The following NEGR1 variants were observed in gnomAD, a reference collection of about 807,000 sequenced individuals.
NEGR1 encodes neuronal growth regulator 1.
In NEGR1, 10 loss-of-function variants were observed where a neutral mutation model predicts 40.9. The ratio of observed to expected loss-of-function variants is 0.24; its 90% CI spans 0.15 to 0.42. NEGR1 has a LOEUF of 0.42. Among genes scored for constraint, NEGR1 ranks in the 10% least tolerant of loss-of-function variants. The pLI, the probability that NEGR1 is intolerant of heterozygous loss-of-function variation, is 1.00. For missense variants in NEGR1, 352 were observed against 438.9 expected, an observed-to-expected ratio of 0.80 and a Z score of 1.77; for synonymous variants, 185 against 166.8, an observed-to-expected ratio of 1.11 and a Z score of -0.84.
intron 1 of NEGR1, among the ~76,000 whole-genome samples, chr1:72,230,187 C>A (rs1454491177): frequency 6.6e-6 from 1 of 152,072 alleles, no homozygotes; most frequent in Non-Finnish European, 1.5e-5. Flanking sequence ...TTACCTATCT[C>A]CCTCACAAAT....
intron 4 of NEGR1, among the ~76,000 whole-genome samples, chr1:71,673,010 C>T (rs1357642063): frequency 2.0e-5 from 3 of 151,760 alleles, no homozygotes; most frequent in African/African-American, 7.3e-5. Context: ...CTGAGGCGGG[C>T]GGATCATGAG....
chr1:71,659,600 G>A (rs1651986915), intron 4 of NEGR1, among the ~76,000 whole-genome samples: 1 of 151,940 alleles, frequency 6.6e-6, no homozygotes, highest in Non-Finnish European at 1.5e-5. Flanking sequence ...GTCTACAATC[G>A]AGCATCTATA....
intron 6 of NEGR1, among the ~76,000 whole-genome samples, chr1:71,534,491 A>C (rs1647453995): frequency 6.6e-6 from 1 of 151,672 alleles, no homozygotes; most frequent in Admixed American, 6.6e-5. Context: ...GTTACAACAG[A>C]TCTGGCATGA....
At chr1:71,995,570 T>A (rs1026808208) in intron 1 of NEGR1, among the ~76,000 whole-genome samples, 7 of 152,176 alleles carry the variant, frequency 4.6e-5, no homozygotes, top group Non-Finnish European at 1.0e-4. Context: ...TACTTAAGGA[T>A]TAACTGAAAT....
chr1:72,056,557 ATTTAC>A (rs1647112724), intron 1 of NEGR1, among the ~76,000 whole-genome samples: 1 of 151,376 alleles, frequency 6.6e-6, no homozygotes, highest in Non-Finnish European at 1.5e-5. Context: ...AATTATAGTG[ATTTAC>A]TTTAGAAGCT....
intron 6 of NEGR1, among the ~76,000 whole-genome samples, chr1:71,485,092 G>A (rs1314006015): frequency 6.6e-6 from 1 of 151,546 alleles, no homozygotes; most frequent in African/African-American, 2.4e-5. Context: ...CCAAGCTTGA[G>A]GGTATTCCCA....
intron 1 of NEGR1, among the ~76,000 whole-genome samples, chr1:71,948,101 A>T (rs1646037586): frequency 6.6e-6 from 1 of 152,134 alleles, no homozygotes; most frequent in African/African-American, 2.4e-5. Flanking sequence ...TTGCTTAAAA[A>T]ATCTTTTCAC....
At chr1:71,895,945 A>G (rs2101856364) in intron 2 of NEGR1, among the ~76,000 whole-genome samples, 1 of 151,088 alleles carries the variant, frequency 6.6e-6, no homozygotes, top group East Asian at 1.9e-4. Flanking sequence ...ACCTCTTATT[A>G]TTCAACACTT....
intron 4 of NEGR1, among the ~76,000 whole-genome samples, chr1:71,644,776 C>A (rs1651477425): frequency 6.6e-6 from 1 of 151,848 alleles, no homozygotes; most frequent in Non-Finnish European, 1.5e-5. Flanking sequence ...TTATTATTAA[C>A]ATTGAAAGGA....
chr1:72,196,072 A>G (rs1652989780), intron 1 of NEGR1, among the ~76,000 whole-genome samples: 1 of 152,032 alleles, frequency 6.6e-6, no homozygotes, highest in African/African-American at 2.4e-5. Context: ...TTTTATGACA[A>G]TGAAAGGAGC....
At chr1:71,605,452 TAA>T (rs1361215955) in intron 5 of NEGR1, among the ~76,000 whole-genome samples, 1 of 152,182 alleles carries the variant, frequency 6.6e-6, no homozygotes, top group Non-Finnish European at 1.5e-5. Flanking sequence ...GACAAGACGG[TAA>T]TACCATCTTC....
chr1:72,055,354 TC>T (rs1209873496), intron 1 of NEGR1, among the ~76,000 whole-genome samples: 3 of 151,318 alleles, frequency 2.0e-5, no homozygotes, highest in Non-Finnish European at 4.5e-5. Flanking sequence ...ATAAAATTAC[TC>T]CCTTATATTG....
chr1:72,130,301 C>T (rs971723021), intron 1 of NEGR1, among the ~76,000 whole-genome samples: 1 of 152,010 alleles, frequency 6.6e-6, no homozygotes. Flanking sequence ...GTTTTTTGCC[C>T]GAAACACTGA....
At chr1:71,507,400 A>T (rs1260044055) in intron 6 of NEGR1, among the ~76,000 whole-genome samples, 1 of 152,230 alleles carries the variant, frequency 6.6e-6, no homozygotes, top group African/African-American at 2.4e-5. Flanking sequence ...TCTATATCAC[A>T]CAAAGGGAGT....
rs559463311 is a variant in NEGR1, at chr1:72,022,691, A to T, written c.177-87380T>A. Among the ~76,000 whole-genome samples, 229 of 152,206 alleles carry T rather than the reference A, an allele frequency of 1.5e-3. 2 individuals are homozygous for T. Among genetic ancestry groups the T allele is most frequent in the African/African-American group, 5.3e-3 (220 of 41,552 alleles). On this transcript the variant is annotated intron_variant, in intron 1 of 6. Coordinates refer to ENST00000357731, the MANE Select transcript of NEGR1 (RefSeq NM_173808.3). ...GGTATTTGCTACCAACGCTTATTTT[A>T]AAAGTTTACAAGAATTTTAGCTAGT...
intron 6 of NEGR1, among the ~76,000 whole-genome samples, chr1:71,426,188 T>C (rs1479435365): frequency 6.6e-6 from 1 of 152,188 alleles, no homozygotes; most frequent in Non-Finnish European, 1.5e-5. Context: ...CTTTTTTATA[T>C]ACAAAAAGTA....
chr1:72,104,562 TCTC>T (rs2100252871), intron 1 of NEGR1, among the ~76,000 whole-genome samples: 1 of 152,228 alleles, frequency 6.6e-6, no homozygotes, highest in South Asian at 2.1e-4. Flanking sequence ...GAACCTCTGA[TCTC>T]CATAACTTTA....
intron 1 of NEGR1, among the ~76,000 whole-genome samples, chr1:72,082,116 A>AT (rs1648027504): frequency 1.3e-5 from 2 of 152,062 alleles, no homozygotes; most frequent in Non-Finnish European, 2.9e-5. Flanking sequence ...GTGTGAGCCC[A>AT]TTTTCCAACC....
At chr1:71,811,376 C>T (rs1301450474) in intron 2 of NEGR1, among the ~76,000 whole-genome samples, 1 of 152,012 alleles carries the variant, frequency 6.6e-6, no homozygotes, top group Non-Finnish European at 1.5e-5. Context: ...GTTTGCCCCT[C>T]TGACTGGAAT....
Sources: gnomAD v4.1 joint callset for allele counts (sites outside exome capture counted in the v4.1 genomes callset) on GRCh38, gnomAD v4.1.1 for gene constraint, MANE v1.5 for transcripts, NCBI Gene and HGNC (gene_info 2026-07-23, HGNC 2026-07-21) for gene names.